The following PTPRD variants were observed in gnomAD, a reference collection of about 807,000 sequenced individuals.
The protein encoded by PTPRD is receptor-type tyrosine-protein phosphatase delta.
Under a neutral mutation model 214.5 loss-of-function variants are expected in PTPRD, and 34 were observed. That is an observed-to-expected ratio of 0.16 (90% CI 0.12 to 0.21). PTPRD has a LOEUF of 0.21. Ranked by LOEUF, PTPRD falls within the 10% of genes least tolerant of loss-of-function variation. PTPRD has a pLI of 1.00. For missense variants in PTPRD, 2,545 were observed against 2,398.7 expected, an observed-to-expected ratio of 1.06 and a Z score of -1.27; for synonymous variants, 1,128 against 845.7, an observed-to-expected ratio of 1.33 and a Z score of -5.79.
chr9:9,763,254 T>C (rs953478559), intron 6 of PTPRD, among the ~76,000 whole-genome samples: 1 of 152,196 alleles, frequency 6.6e-6, no homozygotes, highest in African/African-American at 2.4e-5. Context: ...ACCCATGACA[T>C]AGAGATAATC....
At chr9:8,455,688 T>C (rs2096168330) in intron 33 of PTPRD, among the ~76,000 whole-genome samples, 3 of 152,230 alleles carry the variant, frequency 2.0e-5, no homozygotes, top group African/African-American at 4.8e-5. Flanking sequence ...AACACATTGG[T>C]TAATTCTTCT....
chr9:8,414,929 G>GA (rs1365848603), intron 35 of PTPRD, among the ~76,000 whole-genome samples: 509 of 47,888 alleles, frequency 0.011, 9 homozygotes, highest in African/African-American at 0.039. Flanking sequence ...GAGAGGGAGG[G>GA]GGAGAGAGAG....
intron 11 of PTPRD, among the ~76,000 whole-genome samples, chr9:8,852,060 T>TA (rs35284027): frequency 8.0e-5 from 12 of 150,900 alleles, no homozygotes; most frequent in South Asian, 2.1e-4. Context: ...ACTAACGGTT[T>TA]AAAAAAAAAA....
intron 3 of PTPRD, among the ~76,000 whole-genome samples, chr9:10,338,332 C>G (rs752379878): frequency 2.7e-4 from 41 of 151,558 alleles, no homozygotes; most frequent in African/African-American, 9.4e-4. Flanking sequence ...GAGACAGTTG[C>G]CTGAAATTTA....
intron 3 of PTPRD, among the ~76,000 whole-genome samples, chr9:10,288,926 A>C (rs2095444954): frequency 1.3e-5 from 2 of 152,158 alleles, no homozygotes; most frequent in Non-Finnish European, 2.9e-5. Flanking sequence ...AAAAAAACTG[A>C]CTATATAATC....
chr9:9,656,428 T>C (rs1357832489), intron 7 of PTPRD, among the ~76,000 whole-genome samples: 1 of 152,086 alleles, frequency 6.6e-6, no homozygotes, highest in African/African-American at 2.4e-5. Context: ...TATTCAGTGC[T>C]AAAAAGAAAT....
intron 9 of PTPRD, among the ~76,000 whole-genome samples, chr9:9,301,413 A>G (rs1955241324): frequency 1.3e-5 from 2 of 151,892 alleles, no homozygotes; most frequent in Non-Finnish European, 2.9e-5. Context: ...AACGACCATC[A>G]TAAAGATGGT....
At chr9:9,904,907 AG>A (rs2077201654) in intron 5 of PTPRD, among the ~76,000 whole-genome samples, 1 of 152,066 alleles carries the variant, frequency 6.6e-6, no homozygotes, top group Admixed American at 6.6e-5. Context: ...TCATACTGAA[AG>A]TGCCTTTAAT....
chr9:9,052,837 A>C (rs2099688943), intron 10 of PTPRD, among the ~76,000 whole-genome samples: 1 of 152,218 alleles, frequency 6.6e-6, no homozygotes, highest in Admixed American at 6.5e-5. Flanking sequence ...ATACAAAATA[A>C]AATCTTCTAG....
At chr9:9,056,002 T>C (rs946191903) in intron 10 of PTPRD, among the ~76,000 whole-genome samples, 15 of 152,036 alleles carry the variant, frequency 9.9e-5, no homozygotes, top group African/African-American at 3.6e-4. Context: ...TGGTGAACAG[T>C]TTTGGTTCAT....
intron 39 of PTPRD, among the ~76,000 whole-genome samples, chr9:8,375,188 C>G (rs1327604250): frequency 1.3e-5 from 2 of 151,856 alleles, no homozygotes; most frequent in Non-Finnish European, 2.9e-5. Context: ...CTTGAGTAGT[C>G]TGCTAATAAT....
intron 8 of PTPRD, among the ~76,000 whole-genome samples, chr9:9,486,150 C>CAAAAAAAAAAAAAAAAAAAAAAA (rs71319226): frequency 3.3e-5 from 1 of 30,164 alleles, no homozygotes; most frequent in Non-Finnish European, 5.3e-5. Flanking sequence ...GACTCTCTCT[C>CAAAAAAAAAAAAAAAAAAAAAAA]AAAAAAAAAA....
intron 3 of PTPRD, among the ~76,000 whole-genome samples, chr9:10,130,078 A>G (rs1409849754): frequency 2.0e-5 from 3 of 152,182 alleles, no homozygotes; most frequent in African/African-American, 7.2e-5. Flanking sequence ...GGATGTTTAC[A>G]GACTTCAGAC....
In PTPRD at chr9:9,357,871, G is replaced by T. The variant is rs547777526; in HGVS notation, c.-203+39578C>A. The stretch of plus-strand genomic sequence containing the variant: ...TTATGTCTTTCCTTTTTTTTCCCAG[G>T]TAACATCTTTACCTACCACAACCAT... On this transcript the variant is annotated intron_variant, in intron 9 of 45. Coordinates refer to ENST00000381196, the MANE Select transcript of PTPRD (RefSeq NM_002839.4). Among the ~76,000 whole-genome samples the T allele has an allele frequency of 9.4e-4, 142 of 150,638 alleles. 1 individual carries two copies. Among genetic ancestry groups the T allele is most frequent in the African/African-American group, 3.3e-3 (137 of 41,250 alleles).
chr9:9,319,494 G>A (rs376991738), intron 9 of PTPRD, among the ~76,000 whole-genome samples: 1 of 152,176 alleles, frequency 6.6e-6, no homozygotes, highest in Non-Finnish European at 1.5e-5. Context: ...GCATTTGTTA[G>A]TTTCAGACTA....
chr9:9,867,071 G>T (rs16930442), intron 5 of PTPRD, among the ~76,000 whole-genome samples: 2,602 of 152,142 alleles, frequency 0.017, 66 homozygotes, highest in African/African-American at 0.06. Flanking sequence ...ACAAACAAAA[G>T]GGTTTCTTTA....
intron 3 of PTPRD, among the ~76,000 whole-genome samples, chr9:10,060,922 TTCTTTCTTTC>T (rs2097765076): frequency 7.9e-6 from 1 of 127,160 alleles, no homozygotes; most frequent in African/African-American, 4.7e-5. Flanking sequence ...CTTTCTTTCT[TTCTTTCTTTC>T]TTTCTTTCTT....
intron 12 of PTPRD, chr9:8,700,972 C>G (rs978900204): frequency 2.0e-5 from 3 of 151,654 alleles, no homozygotes; most frequent in African/African-American, 4.8e-5. Context: ...ACCAGCCCGA[C>G]CAACATGGTG....
Position 8,389,362 on chromosome 9 carries a change from T to C in PTPRD, c.4256A>G (p.Tyr1419Cys), listed in dbSNP as rs2135662544. The change falls in exon 37 of 46, where the codon TAT (tyrosine) becomes TGT (cysteine). Residue 1419 changes from tyrosine to cysteine, a missense_variant. Tyr to Cys is a radical substitution (Grantham distance 194). Transcript: ENST00000381196. ...TGCAATATAGGCATTTTGCTTCCTA[T>C]ACCCATCTATGTAGTTGGCATTCAC... ...DYVNANYIDG[Y>C]RKQNAYIATQ... is the part of the protein sequence containing the mutation. The C allele has an allele frequency of 6.2e-7, 1 of 1,612,898 alleles. No individual in the cohort carries two copies.
Sources: gnomAD v4.1 joint callset for allele counts (sites outside exome capture counted in the v4.1 genomes callset) on GRCh38, gnomAD v4.1.1 for gene constraint, MANE v1.5 for transcripts, NCBI Gene and HGNC (gene_info 2026-07-23, HGNC 2026-07-21) for gene names.